PELO: variants seen among roughly 807,000 people sequenced by gnomAD.
PELO encodes protein pelota homolog.
A neutral mutation model predicts 25.9 loss-of-function variants in PELO; 19 were observed. The observed-to-expected ratio is 0.73, with a 90% CI of 0.51 to 1.08. The LOEUF (loss-of-function observed/expected upper bound fraction) is 1.08, where lower values mean the gene tolerates loss of function less well. Among genes scored for constraint, PELO ranks in the 50% least tolerant of loss-of-function variants. PELO has a pLI of 0.00. For synonymous variants in PELO, 196 were observed against 192.2 expected (o/e 1.02, Z -0.16); for missense variants, 498 against 491.4 (o/e 1.01, Z -0.13).
Position 52,802,497 on chromosome 5 carries a change from A to T in PELO, c.*657A>T, listed in dbSNP as rs1223260951. 1 of 152,142 alleles carries T rather than the reference A, an allele frequency of 6.6e-6. No individual in the cohort carries two copies. Among genetic ancestry groups the T allele is most frequent in the Non-Finnish European group, 1.5e-5 (1 of 68,042 alleles). 9.4% of individuals were successfully genotyped at this position (152,142 alleles called of 1,614,324 possible). On this transcript the variant is annotated 3_prime_UTR_variant, in exon 3 of 3. Coordinates refer to ENST00000274311, the MANE Select transcript of PELO (RefSeq NM_015946.5). The stretch of plus-strand genomic sequence containing the variant: ...CATATTTGATTTAGAGGGTAACTTA[A>T]ATCAGTTATTTTTAGCTTTTTAGAA...
chr5:52,793,968 T>G (rs906891565), intron 1 of PELO, among the ~76,000 whole-genome samples: 1 of 152,064 alleles, frequency 6.6e-6, no homozygotes, highest in Admixed American at 6.6e-5. Flanking sequence ...AGACTAATTT[T>G]AATCAAAACT....
rs1366704208 is a variant in PELO at position 52,803,843 on chromosome 5, ATCTGATAAACAAAGGCAATAGGTTATTCT to A, written c.*2006_*2034del. 6.6e-6 allele frequency: 1 copy of A among 152,188 alleles called. No homozygotes were observed. The allele number at this position is 152,188 out of a possible 1,614,324, so 9.4% of individuals were successfully genotyped here. A position where few individuals can be genotyped will look rare whatever the true frequency, so the allele number is the denominator to read the frequency against. On this transcript the variant is annotated 3_prime_UTR_variant, in exon 3 of 3. Transcript: ENST00000274311. ...CTAGATGATTCCTGTGCATAATAAA[ATCTGATAAACAAAGGCAATAGGTTATTCT>A]TCCTGTGCTGGTAAATCTCTGGCAG...
intron 1 of PELO, among the ~76,000 whole-genome samples, chr5:52,795,783 T>C (rs905889405): frequency 2.6e-5 from 4 of 151,932 alleles, no homozygotes; most frequent in African/African-American, 7.2e-5. Context: ...ATAATATCAC[T>C]AGGACCTCAT....
chr5:52,800,670 G>A lies in PELO; in HGVS notation c.276G>A (p.Glu92=). 6.2e-7 allele frequency: 1 copy of A among 1,614,214 alleles called. No homozygotes were observed. Among genetic ancestry groups the A allele is most frequent in the East Asian group, 2.2e-5 (1 of 44,862 alleles). Residue 92 remains glutamate (E), a synonymous_variant, in exon 2 of 3, where the codon GAG becomes GAA. Coordinates refer to ENST00000274311, the MANE Select transcript of PELO (RefSeq NM_015946.5). ...AGGGGACCAACATCCAAGAGAATGA[G>A]TATGTCAAGATGGGGGCTTACCACA... The part of the protein sequence containing the change: ...RVKGTNIQEN[E]YVKMGAYHTI...
At chr5:52,789,442 T>C (rs939271854) in intron 1 of PELO, among the ~76,000 whole-genome samples, 2 of 152,224 alleles carry the variant, frequency 1.3e-5, no homozygotes, top group East Asian at 3.8e-4. Context: ...GCCAGCTAGT[T>C]TAGACCTGCC....
chr5:52,797,864 G>A (rs767144707), intron 1 of PELO, among the ~76,000 whole-genome samples: 2 of 152,166 alleles, frequency 1.3e-5, no homozygotes, highest in Non-Finnish European at 2.9e-5. Context: ...CATTCAATAC[G>A]TGATAGCTCT....
In PELO at chr5:52,801,139, G is replaced by T; in HGVS notation, c.726+19G>T. ...TCTTCAGGTAAAACAATCTTACCCA[G>T]GGATAATTAAGAATGGGCAGAGGGA... On this transcript the variant is annotated intron_variant, in intron 2 of 2. Transcript: ENST00000274311. 6.4e-7 allele frequency: 1 copy of T among 1,574,322 alleles called. No homozygotes were observed. The highest frequency in any genetic ancestry group is 1.2e-5 in the South Asian group (1 of 84,392).
In PELO at chr5:52,800,694, C is replaced by T. The variant is rs1684195455; in HGVS notation, c.300C>T (p.His100=). ...AGTATGTCAAGATGGGGGCTTACCA[C>T]ACCATCGAGCTGGAGCCCAACCGCC... ...ENEYVKMGAY[H]TIELEPNRQF... The change falls in exon 2 of 3, where the codon CAC becomes CAT. Residue 100 remains histidine, a synonymous_variant. Transcript: ENST00000274311. 1 of 1,614,048 alleles carries T rather than the reference C, an allele frequency of 6.2e-7. No individual in the cohort carries two copies. The highest frequency in any genetic ancestry group is 1.3e-5 in the African/African-American group (1 of 74,922).
At chr5:52,792,525 T>A (rs1748261986) in intron 1 of PELO, among the ~76,000 whole-genome samples, 1 of 152,182 alleles carries the variant, frequency 6.6e-6, no homozygotes, top group African/African-American at 2.4e-5. Context: ...ACCCAGCTAT[T>A]TTGAAGCATG....
intron 2 of PELO, 113 bp downstream of exon 2, chr5:52,801,233 G>A (rs1748474532): frequency 1.6e-6 from 2 of 1,218,666 alleles, no homozygotes; most frequent in Non-Finnish European, 1.2e-6. Flanking sequence ...ACTTAGCTGG[G>A]ATTTTCATGA....
At position 52,801,438 on chromosome 5, in the gene PELO, C is replaced by T; in HGVS notation, c.756C>T (p.Ser252=). ...ATGCCTCCTCCGGACACAAGTACTC[C>T]CTGAAAGAGGCCCTTTGTGACCCTA... The part of the protein sequence containing the change: ...QVHASSGHKY[S]LKEALCDPTV... Residue 252 remains serine, a synonymous_variant, in exon 3 of 3, where the codon TCC becomes TCT. Coordinates refer to ENST00000274311, the MANE Select transcript of PELO (RefSeq NM_015946.5). The T allele has an allele frequency of 6.2e-7, 1 of 1,613,920 alleles. No homozygotes were observed. Among genetic ancestry groups the T allele is most frequent in the South Asian group, 1.1e-5 (1 of 91,074 alleles).
rs568166630 is a variant in PELO, at chr5:52,788,220, G to T, written c.-705G>T. 1.8e-6 allele frequency: 1 copy of T among 568,916 alleles called. No homozygotes were observed. The highest frequency in any genetic ancestry group is 2.6e-5 in the South Asian group (1 of 38,102). The allele number at this position is 568,916 out of a possible 1,614,324, so 35.2% of individuals were successfully genotyped here. ...GAAATCACTCCTCTCCCGCTCCTGG[G>T]CGCCGCTGCCACTGGGGCAGAGGAC... is the stretch of plus-strand genomic sequence containing the variant. On this transcript the variant is annotated 5_prime_UTR_variant, in exon 1 of 3. Transcript: ENST00000274311.
At position 52,801,903 on chromosome 5, in the gene PELO, C is replaced by A; in HGVS notation, c.*63C>A. 1 of 1,276,548 alleles carries A rather than the reference C, an allele frequency of 7.8e-7. No homozygotes were observed. Among genetic ancestry groups the A allele is most frequent in the Non-Finnish European group, 1.1e-6 (1 of 933,332 alleles). 79.1% of individuals were successfully genotyped at this position (1,276,548 alleles called of 1,614,324 possible). ...TAAACTGTTACAGTACATTTCTCAG[C>A]ATCCTTGTGACAGAAAGCTGCAAGA... On this transcript the variant is annotated 3_prime_UTR_variant, in exon 3 of 3. Coordinates refer to ENST00000274311, the MANE Select transcript of PELO (RefSeq NM_015946.5).
intron 1 of PELO, among the ~76,000 whole-genome samples, chr5:52,791,194 A>G (rs1748231171): frequency 6.6e-6 from 1 of 152,238 alleles, no homozygotes; most frequent in African/African-American, 2.4e-5. Flanking sequence ...TGTCACATAT[A>G]AAGGATTTAA....
rs369963149 is a variant in PELO at position 52,801,408 on chromosome 5, G to C, written c.727-1G>C. On this transcript the variant is annotated splice_acceptor_variant, in intron 2 of 2. Coordinates refer to ENST00000274311, the MANE Select transcript of PELO (RefSeq NM_015946.5). LOFTEE classifies it high-confidence loss of function. Reference sequence around the variant, plus strand: ...CCTAACTTTTGTAATTGTGATTCTAGGTACATGCCTCCTCCGGACACAAGT... The same window carrying C: ...CCTAACTTTTGTAATTGTGATTCTACGTACATGCCTCCTCCGGACACAAGT... 1 of 1,606,662 alleles carries C rather than the reference G, an allele frequency of 6.2e-7. No homozygotes were observed. Among genetic ancestry groups the C allele is most frequent in the Non-Finnish European group, 8.5e-7 (1 of 1,175,156 alleles).
rs1580015613 is a variant in PELO at position 52,788,421 on chromosome 5, G to T, written c.-511+7G>T. On this transcript the variant is annotated splice_region_variant and intron_variant, in intron 1 of 2. Transcript: ENST00000274311. The stretch of plus-strand genomic sequence containing the variant: ...TGCTGCTGGCTCCTCACTGGTGAGC[G>T]ACTCGCTTTTCTCTGAGCATCTCCT... The T allele has an allele frequency of 2.0e-6, 3 of 1,506,374 alleles. No homozygotes were observed. The highest frequency in any genetic ancestry group is 2.5e-5 in the South Asian group (2 of 80,466). 93.3% of individuals were successfully genotyped at this position (1,506,374 alleles called of 1,614,324 possible).
chr5:52,803,122 G>C lies in PELO; in HGVS notation c.*1282G>C, dbSNP rs761762248. ...AAGTAGTGATACTAACTAAACTTTC[G>C]CCGGTCTTTCCTGTGTCTGTGGGCC... is the stretch of plus-strand genomic sequence containing the variant. On this transcript the variant is annotated 3_prime_UTR_variant, in exon 3 of 3. Coordinates refer to ENST00000274311, the MANE Select transcript of PELO (RefSeq NM_015946.5). 6.6e-6 allele frequency: 1 copy of C among 152,072 alleles called. No individual in the cohort carries two copies. The highest frequency in any genetic ancestry group is 6.6e-5 in the Admixed American group (1 of 15,262). 9.4% of individuals were successfully genotyped at this position (152,072 alleles called of 1,614,324 possible).
At position 52,801,745 on chromosome 5, in the gene PELO, C is replaced by T. The variant is rs1254478982; in HGVS notation, c.1063C>T (p.Gln355Ter). The stretch of plus-strand genomic sequence containing the variant: ...CTCTAGTCTTCACGTTTCTGGGGAA[C>T]AGCTCAGCCAGTTGACTGGGGTAGC... The part of the protein sequence containing the change: ...IFSSLHVSGE[Q>*]LSQLTGVAAI... Residue 355 changes from glutamine to a stop codon, truncating the protein, a stop_gained, in exon 3 of 3, where the codon CAG (glutamine) becomes TAG (stop). Transcript: ENST00000274311. LOFTEE classifies it high-confidence loss of function. The T allele has an allele frequency of 5.6e-6, 9 of 1,614,062 alleles. No homozygotes were observed. The highest frequency in any genetic ancestry group is 6.8e-6 in the Non-Finnish European group (8 of 1,179,944).
Position 52,800,342 on chromosome 5 carries a change from G to A in PELO, c.-53G>A. On this transcript the variant is annotated 5_prime_UTR_variant, in exon 2 of 3. Transcript: ENST00000274311. ...TTCCCATCCCCTCTCCCGGGGCGGA[G>A]GTGAGGACCTCCTTGGTTCCTTTGG... 6.2e-7 allele frequency: 1 copy of A among 1,605,112 alleles called. No individual in the cohort carries two copies. The highest frequency in any genetic ancestry group is 8.5e-7 in the Non-Finnish European group (1 of 1,175,348).
Sources: gnomAD v4.1 joint callset for allele counts (sites outside exome capture counted in the v4.1 genomes callset) on GRCh38, gnomAD v4.1.1 for gene constraint, MANE v1.5 for transcripts, NCBI Gene and HGNC (gene_info 2026-07-23, HGNC 2026-07-21) for gene names.